Variants in GLRA3 observed in about 807,000 individuals in gnomAD.
GLRA3 encodes the protein glycine receptor subunit alpha-3.
A neutral mutation model predicts 60.4 loss-of-function variants in GLRA3; 44 were observed. The ratio of observed to expected loss-of-function variants is 0.73; its 90% CI spans 0.57 to 0.94. GLRA3 has a LOEUF of 0.94. GLRA3 is among the 40% of genes least tolerant of loss of function. The pLI is 0.00. For synonymous variants in GLRA3, 223 were observed against 192.9 expected (o/e 1.16, Z -1.29); for missense variants, 508 against 564.6 (o/e 0.90, Z 1.02).
chr4:174,665,421 A>G (rs1445095438), intron 7 of GLRA3, among the ~76,000 whole-genome samples: 2 of 151,900 alleles, frequency 1.3e-5, no homozygotes, highest in Non-Finnish European at 2.9e-5. Flanking sequence ...ACTCATTACA[A>G]CAATAATTAT....
At chr4:174,646,710 T>C (rs1732832901) in intron 9 of GLRA3, among the ~76,000 whole-genome samples, 1 of 152,224 alleles carries the variant, frequency 6.6e-6, no homozygotes, top group African/African-American at 2.4e-5. Context: ...CTGAGTCTCC[T>C]GTGTGAGGCA....
intron 1 of GLRA3, among the ~76,000 whole-genome samples, chr4:174,797,974 G>A (rs1739637290): frequency 6.6e-6 from 1 of 151,788 alleles, no homozygotes. Context: ...CACTTTTGGA[G>A]GATGAAAATA....
At position 174,641,729 on chromosome 4, in the gene GLRA3, A is replaced by G. The variant is rs1732629547; in HGVS notation, c.*2057T>C. 1 of 152,056 alleles carries G rather than the reference A, an allele frequency of 6.6e-6. No homozygotes were observed. The highest frequency in any genetic ancestry group is 6.6e-5 in the Admixed American group (1 of 15,236). 9.4% of individuals were successfully genotyped at this position (152,056 alleles called of 1,614,324 possible). On this transcript the variant is annotated 3_prime_UTR_variant, in exon 10 of 10. Transcript: ENST00000274093. ...GGAAGTAAGCATGTTTGCATTCATT[A>G]TATTTCTGTTTGCTCCTGGCAGAAT...
At chr4:174,755,487 C>T (rs11930883) in intron 3 of GLRA3, among the ~76,000 whole-genome samples, 39,285 of 151,832 alleles carry the variant, frequency 0.26, 5,945 homozygotes, top group East Asian at 0.51. Context: ...TCCAACAAAG[C>T]CAAATAAAGT....
At chr4:174,776,561 A>T (rs562122800) in intron 2 of GLRA3, among the ~76,000 whole-genome samples, 1 of 152,306 alleles carries the variant, frequency 6.6e-6, no homozygotes, top group East Asian at 1.9e-4. Flanking sequence ...GTGCAAAGGA[A>T]TCTCGTAATG....
chr4:174,793,338 A>G (rs1237909607), intron 1 of GLRA3, among the ~76,000 whole-genome samples: 1 of 152,066 alleles, frequency 6.6e-6, no homozygotes, highest in Non-Finnish European at 1.5e-5. Flanking sequence ...ATTTACTCCC[A>G]TGGTATCAAC....
intron 7 of GLRA3, among the ~76,000 whole-genome samples, chr4:174,661,572 G>T (rs1029760281): frequency 1.3e-5 from 2 of 152,192 alleles, no homozygotes; most frequent in Non-Finnish European, 2.9e-5. Flanking sequence ...ATTATGGCTG[G>T]AGGCTTCTAT....
intron 9 of GLRA3, among the ~76,000 whole-genome samples, chr4:174,650,486 C>T (rs914481945): frequency 2.0e-5 from 3 of 152,136 alleles, no homozygotes; most frequent in Admixed American, 6.5e-5. Flanking sequence ...CTAGAAAATC[C>T]TCTGACACTG....
At chr4:174,783,546 G>A (rs2111287507) in intron 2 of GLRA3, among the ~76,000 whole-genome samples, 1 of 140,244 alleles carries the variant, frequency 7.1e-6, no homozygotes, top group East Asian at 2.0e-4. Flanking sequence ...TACAAAATGG[G>A]AGAAAATTTT....
chr4:174,654,836 T>C (rs1449054857), intron 9 of GLRA3, among the ~76,000 whole-genome samples: 1 of 152,040 alleles, frequency 6.6e-6, no homozygotes, highest in East Asian at 1.9e-4. Context: ...ATCCATGACA[T>C]GGTGCAGTGC....
chr4:174,651,960 C>G (rs1292489587), intron 9 of GLRA3, among the ~76,000 whole-genome samples: 3 of 151,924 alleles, frequency 2.0e-5, no homozygotes, highest in Admixed American at 2.0e-4. Flanking sequence ...CCTGTCTGCT[C>G]TCGCAGTAAG....
intron 2 of GLRA3, among the ~76,000 whole-genome samples, chr4:174,771,539 C>G (rs1738386525): frequency 6.6e-6 from 1 of 151,644 alleles, no homozygotes; most frequent in African/African-American, 2.4e-5. Flanking sequence ...CTCATATCCT[C>G]TGGAAAAAGG....
At position 174,675,915 on chromosome 4, in the gene GLRA3, G is replaced by A. The variant is rs559602344; in HGVS notation, c.927+1163C>T. Among the ~76,000 whole-genome samples the A allele has an allele frequency of 7.2e-5, 11 of 152,072 alleles. No individual in the cohort carries two copies. In the South Asian group the frequency reaches 8.3e-4, roughly 12 times the overall value. On this transcript the variant is annotated intron_variant, in intron 7 of 9. Transcript: ENST00000274093. Reference sequence around the variant, plus strand: ...AATGAACTAATAGAAAGGACTAAGGGAGCCATGACAATAGATTTATAATTT... The same window carrying A: ...AATGAACTAATAGAAAGGACTAAGGAAGCCATGACAATAGATTTATAATTT...
chr4:174,703,625 C>T (rs1735406087), intron 5 of GLRA3, among the ~76,000 whole-genome samples: 1 of 151,994 alleles, frequency 6.6e-6, no homozygotes, highest in Admixed American at 6.5e-5. Flanking sequence ...TGCTATGTTC[C>T]TAATTCACAG....
chr4:174,690,865 A>C (rs548626949), intron 5 of GLRA3, among the ~76,000 whole-genome samples: 1 of 152,158 alleles, frequency 6.6e-6, no homozygotes, highest in Non-Finnish European at 1.5e-5. Flanking sequence ...GCTGCATAGT[A>C]TTCCCTTTTC....
chr4:174,766,817 C>A (rs1738158880), intron 3 of GLRA3, 146 bp downstream of exon 3: 2 of 511,522 alleles, frequency 3.9e-6, no homozygotes, highest in Non-Finnish European at 6.9e-6. Context: ...TTATTACCTG[C>A]AGGTGACTGT....
intron 7 of GLRA3, among the ~76,000 whole-genome samples, chr4:174,664,767 G>C (rs1175446360): frequency 2.0e-5 from 3 of 152,106 alleles, no homozygotes; most frequent in Admixed American, 2.0e-4. Flanking sequence ...GTTTTATGGG[G>C]TATAAAGCCC....
rs986730039 is a variant in GLRA3, at chr4:174,642,153, A to G, written c.*1633T>C. On this transcript the variant is annotated 3_prime_UTR_variant, in exon 10 of 10. Transcript: ENST00000274093. ...TAGCAAAAACTGCTTAACATTTACTATTTTTTAAAATGTTATTTTAAAAAA... is the reference window on the plus strand; with the variant it reads ...TAGCAAAAACTGCTTAACATTTACTGTTTTTTAAAATGTTATTTTAAAAAA... 1.5e-4 allele frequency: 126 copies of G among 858,540 alleles called. No homozygotes were observed. The highest frequency in any genetic ancestry group is 1.7e-4 in the Non-Finnish European group (122 of 714,458). The allele number at this position is 858,540 out of a possible 1,614,324, so 53.2% of individuals were successfully genotyped here.
At chr4:174,695,473 AC>A (rs1255713428) in intron 5 of GLRA3, among the ~76,000 whole-genome samples, 1 of 152,160 alleles carries the variant, frequency 6.6e-6, no homozygotes, top group Non-Finnish European at 1.5e-5. Context: ...TGTAAACAGA[AC>A]AAAAGACAAA....
Sources: allele counts gnomAD v4.1 joint callset (sites outside exome capture counted in the v4.1 genomes callset), GRCh38; gene constraint gnomAD v4.1.1; transcripts MANE v1.5; gene names NCBI Gene and HGNC (gene_info 2026-07-23, HGNC 2026-07-21).